Variants in RNF144A observed in about 807,000 individuals in gnomAD.
RNF144A encodes ring finger protein 144A.
Under a neutral mutation model 38.7 loss-of-function variants are expected in RNF144A, and 11 were observed. The ratio of observed to expected loss-of-function variants is 0.28; its 90% CI spans 0.18 to 0.47. RNF144A has a LOEUF of 0.47. Ranked by LOEUF, RNF144A falls within the 20% of genes least tolerant of loss-of-function variation. The pLI, the probability that RNF144A is intolerant of heterozygous loss-of-function variation, is 0.99. For missense variants in RNF144A, 316 were observed against 377.2 expected (o/e 0.84, Z 1.34); for synonymous variants, 149 against 143.9 (o/e 1.04, Z -0.25).
chr2:6,954,447 C>G (rs189442156), intron 2 of RNF144A, among the ~76,000 whole-genome samples: 18 of 152,258 alleles, frequency 1.2e-4, no homozygotes, highest in Admixed American at 1.0e-3. Flanking sequence ...TTATAAGCTA[C>G]GATGCTTATT....
Position 7,025,258 on chromosome 2 carries a change from A to T in RNF144A, c.657+742A>T, listed in dbSNP as rs570668550. Among the ~76,000 whole-genome samples the T allele has an allele frequency of 2.6e-5, 4 of 152,374 alleles. No individual in the cohort carries two copies. The East Asian group carries it at 7.7e-4, about 29-fold the overall frequency. ...TCTGGAGCTTTGAGGCCTGATGCAC[A>T]GGTTGCTGCTATTTAGCTTCTCATT... On this transcript the variant is annotated intron_variant, in intron 7 of 8. Transcript: ENST00000320892.
intron 7 of RNF144A, among the ~76,000 whole-genome samples, chr2:7,026,460 A>G (rs1455789728): frequency 6.6e-6 from 1 of 151,602 alleles, no homozygotes; most frequent in African/African-American, 2.4e-5. Flanking sequence ...TAGGGCCTTC[A>G]AGGTCTTATT....
chr2:6,926,633 G>A (rs1664890983), intron 1 of RNF144A, among the ~76,000 whole-genome samples: 1 of 152,128 alleles, frequency 6.6e-6, no homozygotes, highest in African/African-American at 2.4e-5. Context: ...GTCCTGTCCT[G>A]GTTGTCTTTG....
chr2:6,961,466 C>G (rs561016424), intron 2 of RNF144A, among the ~76,000 whole-genome samples: 2 of 152,142 alleles, frequency 1.3e-5, no homozygotes, highest in South Asian at 4.2e-4. Context: ...GTCCAGGGCA[C>G]TGTGAGTGGA....
intron 2 of RNF144A, among the ~76,000 whole-genome samples, chr2:6,970,767 A>T (rs1488443583): frequency 6.6e-6 from 1 of 152,162 alleles, no homozygotes; most frequent in Non-Finnish European, 1.5e-5. Context: ...CCAGGCAGTG[A>T]CTTGCACCTG....
intron 8 of RNF144A, among the ~76,000 whole-genome samples, chr2:7,038,554 T>A (rs932623858): frequency 6.6e-6 from 1 of 152,056 alleles, no homozygotes. Flanking sequence ...TAATAGGATA[T>A]ATAGATGTAT....
At chr2:6,947,225 T>A (rs1223130465) in intron 2 of RNF144A, among the ~76,000 whole-genome samples, 1 of 152,106 alleles carries the variant, frequency 6.6e-6, no homozygotes, top group African/African-American at 2.4e-5. Context: ...TTTAATAGTT[T>A]ATTTTTTAGA....
At chr2:6,970,272 A>G (rs1667924122) in intron 2 of RNF144A, among the ~76,000 whole-genome samples, 1 of 152,148 alleles carries the variant, frequency 6.6e-6, no homozygotes, top group Non-Finnish European at 1.5e-5. Flanking sequence ...CCATGCTGTT[A>G]TCGTGAAAGT....
chr2:7,063,883 A>G (rs1431704804), intron 6 of RNF144A, among the ~76,000 whole-genome samples: 1 of 152,258 alleles, frequency 6.6e-6, no homozygotes, highest in African/African-American at 2.4e-5. Context: ...TTGCTATAAT[A>G]GAATACCACA....
chr2:6,948,522 C>G (rs1666481641), intron 2 of RNF144A, among the ~76,000 whole-genome samples: 1 of 152,226 alleles, frequency 6.6e-6, no homozygotes, highest in African/African-American at 2.4e-5. Flanking sequence ...TGAGACTGAA[C>G]AAGGCTTCCT....
chr2:6,996,393 T>C (rs530526606), intron 2 of RNF144A, among the ~76,000 whole-genome samples: 1 of 152,228 alleles, frequency 6.6e-6, no homozygotes, highest in South Asian at 2.1e-4. Context: ...GAGGGAAGGA[T>C]GGGTGTGTGG....
chr2:6,989,085 A>G (rs1669170651), intron 2 of RNF144A, among the ~76,000 whole-genome samples: 1 of 152,218 alleles, frequency 6.6e-6, no homozygotes, highest in African/African-American at 2.4e-5. Flanking sequence ...GTTAGAATCA[A>G]GATCTGGGCA....
At chr2:6,984,466 G>C (rs904105145) in intron 2 of RNF144A, among the ~76,000 whole-genome samples, 1 of 151,842 alleles carries the variant, frequency 6.6e-6, no homozygotes, top group Non-Finnish European at 1.5e-5. Flanking sequence ...CCACATCCGC[G>C]CTAATTTTTG....
chr2:6,967,214 C>G (rs1667726055), intron 2 of RNF144A, among the ~76,000 whole-genome samples: 1 of 152,232 alleles, frequency 6.6e-6, no homozygotes. Context: ...TTACCCATCA[C>G]TATGCATGTA....
In RNF144A at chr2:6,962,420, G is replaced by A. The variant is rs891637009; in HGVS notation, c.-12+21273G>A. Among the ~76,000 whole-genome samples the A allele has an allele frequency of 2.0e-5, 3 of 152,150 alleles. No individual in the cohort carries two copies. Among genetic ancestry groups the A allele is most frequent in the Non-Finnish European group, 4.4e-5 (3 of 68,018 alleles). On this transcript the variant is annotated intron_variant, in intron 2 of 8. Coordinates refer to ENST00000320892, the MANE Select transcript of RNF144A (RefSeq NM_014746.6). The surrounding 1 kb of genome is among the most constrained non-coding windows in gnomAD (Gnocchi z 4.1). ...AGAAGTTTCTGGCTTCCTTATTTATGTTTGCAGCTCCATTTCTCAGGCTGT... is the reference window on the plus strand; with the variant it reads ...AGAAGTTTCTGGCTTCCTTATTTATATTTGCAGCTCCATTTCTCAGGCTGT...
chr2:7,002,803 G>T (rs1371126525), intron 3 of RNF144A, among the ~76,000 whole-genome samples: 2 of 152,188 alleles, frequency 1.3e-5, no homozygotes, highest in Middle Eastern at 3.4e-3. Context: ...CCTGAGGCAG[G>T]TCCTTTAGGA....
intron 2 of RNF144A, among the ~76,000 whole-genome samples, chr2:6,955,050 T>G (rs920812177): frequency 2.0e-5 from 3 of 152,236 alleles, no homozygotes; most frequent in Admixed American, 2.0e-4. Flanking sequence ...GATTTCATCA[T>G]GAAACATGTT....
At chr2:7,035,291 C>T (rs1390026903) in intron 8 of RNF144A, among the ~76,000 whole-genome samples, 3 of 152,198 alleles carry the variant, frequency 2.0e-5, no homozygotes, top group African/African-American at 7.2e-5. Flanking sequence ...TGCTGAGCAG[C>T]GTCTTTGGAA....
At chr2:7,030,337 T>C (rs1483601386) in intron 8 of RNF144A, 122 bp downstream of exon 8, 1 of 755,220 alleles carries the variant, frequency 1.3e-6, no homozygotes, top group East Asian at 2.6e-5. Context: ...CAGACTTGCC[T>C]AAAGGACGAA....
Sources: gnomAD v4.1 joint callset for allele counts (sites outside exome capture counted in the v4.1 genomes callset) on GRCh38, gnomAD v4.1.1 for gene constraint, Gnocchi (gnomAD v3.1) non-coding constraint, MANE v1.5 for transcripts, NCBI Gene and HGNC (gene_info 2026-07-23, HGNC 2026-07-21) for gene names.